The following DAB1 variants were observed in gnomAD, a reference collection of about 807,000 sequenced individuals.
The protein encoded by DAB1 is disabled homolog 1.
DAB1 carries 15 observed loss-of-function variants against 64.6 expected under a neutral mutation model. The observed-to-expected ratio is 0.23, with a 90% CI of 0.16 to 0.36. DAB1 has a LOEUF of 0.36. DAB1 is among the 10% of genes least tolerant of loss of function. The probability of loss-of-function intolerance (pLI) is 1.00; values close to 1 mark genes in which losing one functional copy is unlikely to be tolerated. For synonymous variants in DAB1, 235 were observed against 251.9 expected, an observed-to-expected ratio of 0.93 and a Z score of 0.64; for missense variants, 596 against 706.7, an observed-to-expected ratio of 0.84 and a Z score of 1.78.
intron 5 of DAB1, among the ~76,000 whole-genome samples, chr1:58,124,391 T>A (rs1303541111): frequency 6.6e-6 from 1 of 152,134 alleles, no homozygotes; most frequent in Non-Finnish European, 1.5e-5. Flanking sequence ...AGTCAAGTCA[T>A]CATTTTCAAC....
intron 5 of DAB1, among the ~76,000 whole-genome samples, chr1:57,980,474 T>C (rs977363360): frequency 1.3e-5 from 2 of 152,250 alleles, no homozygotes; most frequent in African/African-American, 4.8e-5. Context: ...TAGCCACCAA[T>C]TAGTAAATGG....
intron 2 of DAB1, among the ~76,000 whole-genome samples, chr1:57,198,574 G>A (rs764985145): frequency 6.7e-6 from 1 of 149,560 alleles, no homozygotes; most frequent in Non-Finnish European, 1.5e-5. Flanking sequence ...TCTCTACCTG[G>A]AATGCCCCCC....
At chr1:57,740,572 C>T (rs1647937898) in intron 6 of DAB1, among the ~76,000 whole-genome samples, 1 of 152,192 alleles carries the variant, frequency 6.6e-6, no homozygotes, top group South Asian at 2.1e-4. Flanking sequence ...AAGGGTTTCC[C>T]TAAGTGCTAG....
At chr1:58,291,981 C>G (rs994469886) in intron 4 of DAB1, among the ~76,000 whole-genome samples, 1 of 152,164 alleles carries the variant, frequency 6.6e-6, no homozygotes, top group African/African-American at 2.4e-5. Flanking sequence ...ATTGCCCTCT[C>G]CAATACAGGT....
chr1:58,545,255 A>C (rs1480220899), intron 1 of DAB1, among the ~76,000 whole-genome samples: 1 of 152,188 alleles, frequency 6.6e-6, no homozygotes, highest in Non-Finnish European at 1.5e-5. Flanking sequence ...ACTCCTTCTC[A>C]TTTCTCATGA....
chr1:57,161,205 C>T (rs771775427), intron 2 of DAB1, among the ~76,000 whole-genome samples: 3 of 152,090 alleles, frequency 2.0e-5, no homozygotes, highest in Non-Finnish European at 2.9e-5. Context: ...CCAGAAAGTT[C>T]GTGCAATAAT....
intron 4 of DAB1, among the ~76,000 whole-genome samples, chr1:58,325,497 A>G (rs2100489843): frequency 6.6e-6 from 1 of 152,320 alleles, no homozygotes; most frequent in South Asian, 2.1e-4. Flanking sequence ...GCAAATTGAT[A>G]TAGTACAGAA....
At chr1:57,457,511 C>T (rs942285205) in intron 7 of DAB1, among the ~76,000 whole-genome samples, 1 of 152,118 alleles carries the variant, frequency 6.6e-6, no homozygotes, top group African/African-American at 2.4e-5. Flanking sequence ...TTATCTGCTG[C>T]TAGATCTCTA....
In DAB1 at chr1:58,241,495, T is replaced by C. The variant is rs565189043; in HGVS notation, n.310-90907A>G. ...ACTGTCAAGTAACTCCTGGTCTATT[T>C]TGAACACACATAAATAAAGAGATCA... On this transcript the variant is annotated intron_variant and non_coding_transcript_variant, in intron 4 of 20. Transcript: ENST00000485760. Among the ~76,000 whole-genome samples, 5 of 152,184 alleles carry C rather than the reference T, an allele frequency of 3.3e-5. No individual in the cohort carries two copies. The South Asian group carries it at 8.3e-4, about 25-fold the overall frequency.
intron 4 of DAB1, among the ~76,000 whole-genome samples, chr1:58,224,093 G>T (rs1659331738): frequency 6.6e-6 from 1 of 152,196 alleles, no homozygotes; most frequent in Non-Finnish European, 1.5e-5. Flanking sequence ...ATTTCTAGTG[G>T]CAGTGGGGTA....
chr1:58,502,390 C>T (rs766153010), intron 3 of DAB1, among the ~76,000 whole-genome samples: 11 of 152,176 alleles, frequency 7.2e-5, no homozygotes, highest in Non-Finnish European at 1.5e-4. Context: ...TCACTTCCTA[C>T]GTGAACTCAT....
At chr1:57,406,510 C>G (rs1448284358) in intron 1 of DAB1, among the ~76,000 whole-genome samples, 3 of 152,154 alleles carry the variant, frequency 2.0e-5, no homozygotes, top group Non-Finnish European at 4.4e-5. Context: ...TCAATAAATA[C>G]TGAATAAATG....
At chr1:58,497,550 C>T (rs1050019258) in intron 3 of DAB1, among the ~76,000 whole-genome samples, 1 of 152,206 alleles carries the variant, frequency 6.6e-6, no homozygotes, top group Non-Finnish European at 1.5e-5. Context: ...GCCTCTTTAG[C>T]ATAAGAGTTA....
At chr1:58,042,485 C>G (rs980168917) in intron 5 of DAB1, among the ~76,000 whole-genome samples, 5 of 152,126 alleles carry the variant, frequency 3.3e-5, no homozygotes, top group Non-Finnish European at 5.9e-5. Flanking sequence ...ACATGCCAGC[C>G]TTTCAAGCAG....
rs537863597 is a variant in DAB1 at position 57,286,666 on chromosome 1, C to A, written c.67+4298G>T. 1.1e-4 allele frequency among the ~76,000 whole-genome samples: 17 copies of A among 152,254 alleles called. No individual in the cohort carries two copies. In the South Asian group the frequency reaches 1.7e-3, roughly 15 times the overall value. On this transcript the variant is annotated intron_variant, in intron 2 of 14. Coordinates refer to ENST00000371236, the MANE Select transcript of DAB1 (RefSeq NM_001365792.1). Reference sequence around the variant, plus strand: ...TAGTCCTCAATATTATTCAGCATTTCATTCCTACCAAAAATCATTATATGA... The same window carrying A: ...TAGTCCTCAATATTATTCAGCATTTAATTCCTACCAAAAATCATTATATGA...
intron 5 of DAB1, among the ~76,000 whole-genome samples, chr1:58,148,336 C>T (rs929880327): frequency 6.6e-6 from 1 of 152,144 alleles, no homozygotes; most frequent in Non-Finnish European, 1.5e-5. Flanking sequence ...GAACACACAC[C>T]ACATCATACT....
intron 6 of DAB1, among the ~76,000 whole-genome samples, chr1:57,739,173 A>C (rs567270678): frequency 1.6e-4 from 25 of 152,296 alleles, no homozygotes; most frequent in African/African-American, 6.0e-4. Context: ...AAATATTAAT[A>C]GATAGTCATC....
intron 2 of DAB1, among the ~76,000 whole-genome samples, chr1:57,280,811 AT>A (rs923701223): frequency 3.9e-5 from 6 of 152,150 alleles, no homozygotes; most frequent in Non-Finnish European, 1.5e-5. Context: ...CTTAGGGGAG[AT>A]TTTTTTAAAT....
chr1:57,103,893 A>G (rs1271824122), intron 4 of DAB1, among the ~76,000 whole-genome samples: 2 of 152,098 alleles, frequency 1.3e-5, no homozygotes, highest in Non-Finnish European at 2.9e-5. Flanking sequence ...CTGGGTGACA[A>G]TGACCGCAGC....
Sources: gnomAD v4.1 joint callset for allele counts (sites outside exome capture counted in the v4.1 genomes callset) on GRCh38, gnomAD v4.1.1 for gene constraint, MANE v1.5 for transcripts, NCBI Gene and HGNC (gene_info 2026-07-23, HGNC 2026-07-21) for gene names.